The following TENM2 variants were observed in gnomAD, a reference collection of about 807,000 sequenced individuals.
TENM2 encodes teneurin transmembrane protein 2.
A neutral mutation model predicts 245.2 loss-of-function variants in TENM2; 52 were observed. That is an observed-to-expected ratio of 0.21 (90% CI 0.17 to 0.27). The LOEUF is 0.27. TENM2 is among the 10% of genes least tolerant of loss of function. TENM2 has a pLI of 1.00. For synonymous variants in TENM2, 1,363 were observed against 1,438.9 expected (o/e 0.95, Z 1.19); for missense variants, 3,046 against 3,666.8 (o/e 0.83, Z 4.37).
chr5:167,187,499 C>T, the TENM2 span, among the ~76,000 whole-genome samples: 1 of 152,146 alleles, frequency 6.6e-6, no homozygotes, highest in Non-Finnish European at 1.5e-5. Context: ...CTGAACTCTT[C>T]TCCAATGTGA....
intron 4 of TENM2, among the ~76,000 whole-genome samples, chr5:167,969,365 C>T (rs1781603797): frequency 6.6e-6 from 1 of 152,162 alleles, no homozygotes; most frequent in Non-Finnish European, 1.5e-5. Context: ...CTGCTGTCAT[C>T]CATGTGAGAC....
chr5:168,104,845 A>C (rs1179709384), intron 9 of TENM2, among the ~76,000 whole-genome samples: 1 of 152,188 alleles, frequency 6.6e-6, no homozygotes, highest in African/African-American at 2.4e-5. Context: ...CATTGTCCTG[A>C]GTCAGTCGAG....
intron 1 of TENM2, among the ~76,000 whole-genome samples, chr5:167,334,580 C>T (rs1247509204): frequency 1.3e-5 from 2 of 152,180 alleles, no homozygotes; most frequent in Non-Finnish European, 2.9e-5. Context: ...TTCTTTGTCT[C>T]TCTTTCCTTT....
At position 167,432,512 on chromosome 5, in the gene TENM2, G is replaced by C. The variant is rs905679255; in HGVS notation, c.502+57039G>C. Among the ~76,000 whole-genome samples, 81 of 151,840 alleles carry C rather than the reference G, an allele frequency of 5.3e-4. 1 individual carries two copies. Among genetic ancestry groups the C allele is most frequent in the African/African-American group, 1.8e-3 (75 of 41,266 alleles). ...TCTCTTTGAAGAAATCTTGCAAGCTGTTGGAACGCTTATTTTATTTTGATT... is the reference window on the plus strand; with the variant it reads ...TCTCTTTGAAGAAATCTTGCAAGCTCTTGGAACGCTTATTTTATTTTGATT... On this transcript the variant is annotated intron_variant, in intron 2 of 28. Transcript: ENST00000518659.
intron 2 of TENM2, among the ~76,000 whole-genome samples, chr5:167,579,536 C>G (rs1161338712): frequency 6.6e-6 from 1 of 152,122 alleles, no homozygotes; most frequent in East Asian, 1.9e-4. Context: ...TTCAGTTCTT[C>G]TGACGGTTCG....
At chr5:166,999,779 T>G in the TENM2 span, among the ~76,000 whole-genome samples, 1 of 152,020 alleles carries the variant, frequency 6.6e-6, no homozygotes, top group Non-Finnish European at 1.5e-5. Flanking sequence ...TAGGAATGTT[T>G]TATATAGTTA....
At chr5:167,447,047 G>A (rs747294881) in intron 2 of TENM2, among the ~76,000 whole-genome samples, 2 of 152,156 alleles carry the variant, frequency 1.3e-5, no homozygotes, top group Non-Finnish European at 2.9e-5. Context: ...TTTTGGAATT[G>A]GAAGCATTTC....
intron 2 of TENM2, 64 bp downstream of exon 4, chr5:167,375,537 T>C (rs1486508065): frequency 6.7e-7 from 1 of 1,482,288 alleles, no homozygotes; most frequent in African/African-American, 1.4e-5. Context: ...GCTTTGAATG[T>C]TTTTGTTTTT....
At chr5:167,888,477 CA>C (rs60292107) in intron 3 of TENM2, among the ~76,000 whole-genome samples, 3 of 150,160 alleles carry the variant, frequency 2.0e-5, no homozygotes, top group Admixed American at 6.6e-5. Context: ...AAGAATGGTC[CA>C]AAAAAAAAGT....
chr5:168,035,428 C>T (rs1308682613), intron 5 of TENM2, among the ~76,000 whole-genome samples: 11 of 148,940 alleles, frequency 7.4e-5, no homozygotes, highest in South Asian at 2.1e-4. Flanking sequence ...ACCTGGGAGG[C>T]GCAGTTTGCA....
At chr5:167,795,228 A>G (rs772466627) in intron 2 of TENM2, among the ~76,000 whole-genome samples, 2 of 152,202 alleles carry the variant, frequency 1.3e-5, no homozygotes, top group Non-Finnish European at 2.9e-5. Flanking sequence ...TAGTAATCTC[A>G]CTGAAGTATG....
chr5:167,568,773 C>T (rs6896383), intron 2 of TENM2, among the ~76,000 whole-genome samples: 7,473 of 151,926 alleles, frequency 0.049, 315 homozygotes, highest in African/African-American at 0.11. Flanking sequence ...AAAAACATCA[C>T]ATAGGTTGAT....
intron 2 of TENM2, among the ~76,000 whole-genome samples, chr5:167,601,328 G>A (rs911839512): frequency 2.6e-5 from 4 of 152,270 alleles, no homozygotes; most frequent in African/African-American, 9.6e-5. Context: ...ATGTGGTAGT[G>A]TGACTGAGGA....
chr5:167,179,512 T>C, the TENM2 span, among the ~76,000 whole-genome samples: 1 of 152,184 alleles, frequency 6.6e-6, no homozygotes, highest in Non-Finnish European at 1.5e-5. Context: ...CTATAGGATT[T>C]ATACACTGTA....
rs556651361 is a variant in TENM2, at chr5:168,097,870, T to G, written c.1712-156T>G. Among the ~76,000 whole-genome samples, 5 of 152,170 alleles carry G rather than the reference T, an allele frequency of 3.3e-5. No homozygotes were observed. The South Asian group carries it at 1.0e-3, about 32-fold the overall frequency. ...TGTCCCAGTCCCCACCACTCCCTATTCTCTTCCTTCACTCATTCATATTGC... is the reference window on the plus strand; with the variant it reads ...TGTCCCAGTCCCCACCACTCCCTATGCTCTTCCTTCACTCATTCATATTGC... On this transcript the variant is annotated intron_variant, in intron 8 of 28. Coordinates refer to ENST00000518659, the Ensembl canonical transcript of TENM2.
the TENM2 span, among the ~76,000 whole-genome samples, chr5:166,979,713 C>A: frequency 6.6e-6 from 1 of 151,938 alleles, no homozygotes; most frequent in African/African-American, 2.4e-5. Flanking sequence ...TTTCCTCCTT[C>A]ATCCTCAGAT....
At chr5:167,801,790 G>C (rs537606857) in intron 2 of TENM2, among the ~76,000 whole-genome samples, 157 of 152,196 alleles carry the variant, frequency 1.0e-3, no homozygotes, top group African/African-American at 3.6e-3. Context: ...GCCTGGCTTA[G>C]AGAACTGGGT....
chr5:167,691,306 G>C (rs1274586454), intron 2 of TENM2, among the ~76,000 whole-genome samples: 1 of 151,920 alleles, frequency 6.6e-6, no homozygotes, highest in Non-Finnish European at 1.5e-5. Flanking sequence ...TCTCTCCTCT[G>C]ACTGCAGAAA....
At chr5:167,893,115 G>C (rs978292365) in intron 3 of TENM2, among the ~76,000 whole-genome samples, 1 of 152,090 alleles carries the variant, frequency 6.6e-6, no homozygotes, top group Non-Finnish European at 1.5e-5. Context: ...TTCTTCATCG[G>C]CACCTCCTGT....
Sources: allele counts gnomAD v4.1 joint callset (sites outside exome capture counted in the v4.1 genomes callset), GRCh38; gene constraint gnomAD v4.1.1; transcripts MANE v1.5; gene names NCBI Gene and HGNC (gene_info 2026-07-23, HGNC 2026-07-21).